Variants in SLC24A3 observed in about 807,000 individuals in gnomAD.
SLC24A3 encodes solute carrier family 24 member 3, also known as sodium/potassium/calcium exchanger 3.
In SLC24A3, 28 loss-of-function variants were observed where a neutral mutation model predicts 75.8. The observed-to-expected ratio is 0.37, with a 90% CI of 0.27 to 0.51. The LOEUF is 0.51. SLC24A3 is among the 20% of genes least tolerant of loss of function. SLC24A3 has a pLI of 0.94. For missense variants in SLC24A3, 663 were observed against 847.8 expected (o/e 0.78, Z 2.71); for synonymous variants, 372 against 334.1 (o/e 1.11, Z -1.24).
chr20:19,524,097 C>T (rs1180084734), intron 3 of SLC24A3, among the ~76,000 whole-genome samples: 2 of 152,114 alleles, frequency 1.3e-5, no homozygotes, highest in Non-Finnish European at 2.9e-5. Context: ...AAAGTACCCC[C>T]AAAGGAATAA....
At chr20:19,521,934 A>G (rs557059823) in intron 3 of SLC24A3, among the ~76,000 whole-genome samples, 105 of 150,232 alleles carry the variant, frequency 7.0e-4, no homozygotes, top group African/African-American at 2.4e-3. Flanking sequence ...TTTTTTTTTC[A>G]TGGTCTTTCA....
chr20:19,650,301 C>T (rs750757873), intron 6 of SLC24A3, among the ~76,000 whole-genome samples: 2 of 152,212 alleles, frequency 1.3e-5, no homozygotes, highest in Non-Finnish European at 2.9e-5. Context: ...CCACATTTGA[C>T]ATCTAGACCT....
rs1423994302 is a variant in SLC24A3 at position 19,476,978 on chromosome 20, T to C, written c.272-38510T>C. Among the ~76,000 whole-genome samples the C allele has an allele frequency of 3.3e-5, 5 of 152,254 alleles. No homozygotes were observed. The South Asian group carries it at 1.0e-3, about 32-fold the overall frequency. ...GAAGGTAAGGGCTCGTTTTTCTTGCTGTGGGTAAACCCTACGGGTGTCAGC... is the reference window on the plus strand; with the variant it reads ...GAAGGTAAGGGCTCGTTTTTCTTGCCGTGGGTAAACCCTACGGGTGTCAGC... On this transcript the variant is annotated intron_variant, in intron 2 of 16. Coordinates refer to ENST00000328041, the MANE Select transcript of SLC24A3 (RefSeq NM_020689.4).
chr20:19,581,929 C>G (rs2031223890), intron 4 of SLC24A3, among the ~76,000 whole-genome samples: 2 of 152,208 alleles, frequency 1.3e-5, no homozygotes, highest in African/African-American at 4.8e-5. Context: ...TTTTCCTGGG[C>G]TCTCCCTGCT....
chr20:19,416,505 C>T (rs1600472343), intron 2 of SLC24A3, among the ~76,000 whole-genome samples: 1 of 152,298 alleles, frequency 6.6e-6, no homozygotes, highest in East Asian at 1.9e-4. Context: ...TGATAAGGGT[C>T]CTTCTCCCTC....
chr20:19,289,612 A>G, intron 2 of SLC24A3, among the ~76,000 whole-genome samples: 1 of 152,274 alleles, frequency 6.6e-6, no homozygotes, highest in East Asian at 1.9e-4. Context: ...CCTGGTCCCA[A>G]CACACCTCTC....
intron 1 of SLC24A3, among the ~76,000 whole-genome samples, chr20:19,231,427 G>A (rs917769013): frequency 5.9e-5 from 9 of 152,162 alleles, no homozygotes; most frequent in African/African-American, 1.4e-4. Context: ...GGTGGGCTCC[G>A]TGCAATCACA....
At chr20:19,307,704 G>A (rs1984364165) in intron 2 of SLC24A3, among the ~76,000 whole-genome samples, 2 of 152,098 alleles carry the variant, frequency 1.3e-5, no homozygotes, top group African/African-American at 4.8e-5. Context: ...AACCATCATG[G>A]CACATGTGCA....
chr20:19,336,388 A>C (rs890930582), intron 2 of SLC24A3, among the ~76,000 whole-genome samples: 7 of 147,032 alleles, frequency 4.8e-5, no homozygotes, highest in Non-Finnish European at 3.0e-5. Flanking sequence ...TGCCCTGGGC[A>C]TTTTTTATTT....
chr20:19,690,625 C>T (rs933778199), intron 12 of SLC24A3, among the ~76,000 whole-genome samples: 15 of 152,116 alleles, frequency 9.9e-5, no homozygotes, highest in Admixed American at 3.3e-4. Context: ...GGGTAAATGC[C>T]TTATCAGCAC....
intron 1 of SLC24A3, among the ~76,000 whole-genome samples, chr20:19,221,708 G>A (rs1344281441): frequency 6.6e-6 from 1 of 152,082 alleles, no homozygotes; most frequent in Non-Finnish European, 1.5e-5. Flanking sequence ...TGCTGTCTTG[G>A]TTAATCATTT....
chr20:19,425,208 CAGG>C (rs1986985362), intron 2 of SLC24A3, among the ~76,000 whole-genome samples: 1 of 151,918 alleles, frequency 6.6e-6, no homozygotes, highest in African/African-American at 2.4e-5. Flanking sequence ...GAGGCTGAGG[CAGG>C]AGAATCACTT....
intron 1 of SLC24A3, chr20:19,242,325 T>C (rs909627997): frequency 6.6e-6 from 1 of 152,198 alleles, no homozygotes; most frequent in Admixed American, 6.5e-5. Context: ...CTCATTCCTT[T>C]ATTCATTAAG....
intron 2 of SLC24A3, among the ~76,000 whole-genome samples, chr20:19,477,409 A>G (rs560529630): frequency 3.9e-5 from 6 of 152,346 alleles, no homozygotes; most frequent in African/African-American, 1.4e-4. Context: ...TAGAACCTGC[A>G]GGGAGTAGAT....
intron 16 of SLC24A3, among the ~76,000 whole-genome samples, chr20:19,719,507 T>A (rs1822251666): frequency 6.6e-6 from 1 of 150,776 alleles, no homozygotes; most frequent in African/African-American, 2.4e-5. Context: ...GGAGGTGGGG[T>A]TGGGAGCTCT....
At chr20:19,243,185 A>C (rs1458324879) in intron 1 of SLC24A3, among the ~76,000 whole-genome samples, 1 of 152,196 alleles carries the variant, frequency 6.6e-6, no homozygotes, top group African/African-American at 2.4e-5. Context: ...ACATATGTTA[A>C]TGAGTAGAAA....
At chr20:19,382,831 T>C (rs562306680) in intron 2 of SLC24A3, among the ~76,000 whole-genome samples, 1 of 152,306 alleles carries the variant, frequency 6.6e-6, no homozygotes, top group African/African-American at 2.4e-5. Context: ...CCAGGATAGA[T>C]GATGGGGCTG....
Position 19,693,336 on chromosome 20 carries a change from A to C in SLC24A3, c.1402A>C (p.Asn468His). 3.1e-6 allele frequency: 5 copies of C among 1,614,098 alleles called. No individual in the cohort carries two copies. Among genetic ancestry groups the C allele is most frequent in the Non-Finnish European group, 4.2e-6 (5 of 1,180,034 alleles). ...FVLYFTVPNC[N>H]KPRWEKWFMV... ...CTTATACTTCACTGTACCCAACTGC[A>C]ACAAGCCGCGCTGGGAGAAATGGTT... The change falls in exon 13 of 17, where the codon AAC becomes CAC. Residue 468 changes from asparagine (N) to histidine (H), a missense_variant. By Grantham distance (68) the Asn-to-His change is moderately conservative. Around this residue, in one of 2 missense-constraint regions of SLC24A3, gnomAD observed 510 missense variants for 703.6 expected, o/e 0.72. Coordinates refer to ENST00000328041, the MANE Select transcript of SLC24A3 (RefSeq NM_020689.4).
chr20:19,257,883 T>C (rs909869273), intron 1 of SLC24A3, among the ~76,000 whole-genome samples: 6 of 152,202 alleles, frequency 3.9e-5, no homozygotes, highest in African/African-American at 1.4e-4. Flanking sequence ...TAAAATGCAG[T>C]GGGGAGATCA....
Sources: gnomAD v4.1 joint callset for allele counts (sites outside exome capture counted in the v4.1 genomes callset) on GRCh38, gnomAD v4.1.1 for gene constraint, gnomAD v4.1.1 regional missense constraint, MANE v1.5 for transcripts, NCBI Gene and HGNC (gene_info 2026-07-23, HGNC 2026-07-21) for gene names.